Variants in TC2N observed in about 807,000 individuals in gnomAD.
TC2N encodes tandem C2 domains nuclear protein.
Under a neutral mutation model 61.9 loss-of-function variants are expected in TC2N, and 51 were observed. The observed-to-expected ratio is 0.82, with a 90% CI of 0.66 to 1.04. The LOEUF (loss-of-function observed/expected upper bound fraction) is 1.04. TC2N is among the 50% of genes least tolerant of loss of function. The pLI, the probability that TC2N is intolerant of heterozygous loss-of-function variation, is 0.00. For missense variants in TC2N, 556 were observed against 566.7 expected (o/e 0.98, Z 0.19); for synonymous variants, 204 against 192.6 (o/e 1.06, Z -0.49).
rs538243082 is a variant in TC2N at position 91,829,240 on chromosome 14, C to T, written c.-56-15415G>A. Among the ~76,000 whole-genome samples, 16 of 152,090 alleles carry T rather than the reference C, an allele frequency of 1.1e-4. No individual in the cohort carries two copies. In the South Asian group the frequency reaches 3.3e-3, roughly 32 times the overall value. On this transcript the variant is annotated intron_variant, in intron 1 of 11. Transcript: ENST00000435962. ...ACTGAAAAATTCTCATTCATTATCT[C>T]TTTAAATATTGTTTTTGCCCATTTC... is the stretch of plus-strand genomic sequence containing the variant.
At position 91,862,858 on chromosome 14, in the gene TC2N, A is replaced by G. The variant is rs115322753; in HGVS notation, c.-57+4404T>C. On this transcript the variant is annotated intron_variant, in intron 1 of 11. Coordinates refer to ENST00000435962, the MANE Select transcript of TC2N (RefSeq NM_001128596.3). ...TAATCTCATTGAAGGCCCTAACAAG[A>G]TAACACATTCCAAAGTTCCAACAGA... Among the ~76,000 whole-genome samples the G allele has an allele frequency of 1.8e-3, 276 of 152,372 alleles. 3 individuals carry two copies. Among genetic ancestry groups the G allele is most frequent in the African/African-American group, 6.4e-3 (268 of 41,580 alleles).
intron 1 of TC2N, among the ~76,000 whole-genome samples, chr14:91,857,075 G>A (rs745463506): frequency 1.2e-4 from 19 of 152,154 alleles, no homozygotes; most frequent in African/African-American, 2.4e-4. Flanking sequence ...CACTCCCAGC[G>A]TTCCCTGGAG....
intron 1 of TC2N, among the ~76,000 whole-genome samples, chr14:91,863,029 C>G (rs974000038): frequency 2.0e-5 from 3 of 152,194 alleles, no homozygotes; most frequent in Non-Finnish European, 4.4e-5. Context: ...AAAAATGTAG[C>G]TGTTACTGGC....
intron 9 of TC2N, among the ~76,000 whole-genome samples, chr14:91,787,936 G>A (rs748503231): frequency 1.5e-4 from 23 of 151,998 alleles, no homozygotes; most frequent in Non-Finnish European, 2.8e-4. Context: ...AAATGCCAGT[G>A]AAATTAACAC....
intron 5 of TC2N, among the ~76,000 whole-genome samples, chr14:91,799,921 C>G (rs1284461693): frequency 6.6e-6 from 1 of 151,976 alleles, no homozygotes; most frequent in Non-Finnish European, 1.5e-5. Flanking sequence ...GAATAAAGTC[C>G]TACATCTCAA....
chr14:91,823,031 A>T (rs1052812843), intron 1 of TC2N, among the ~76,000 whole-genome samples: 1 of 151,962 alleles, frequency 6.6e-6, no homozygotes, highest in Non-Finnish European at 1.5e-5. Flanking sequence ...CATTATCTTG[A>T]CTGTGGTGAT....
chr14:91,850,243 A>C (rs571217469), intron 1 of TC2N, among the ~76,000 whole-genome samples: 50 of 152,234 alleles, frequency 3.3e-4, no homozygotes, highest in African/African-American at 1.1e-3. Flanking sequence ...CATGATGATA[A>C]TCAAAATAAG....
At chr14:91,865,235 A>G (rs1474727264) in intron 1 of TC2N, among the ~76,000 whole-genome samples, 1 of 152,104 alleles carries the variant, frequency 6.6e-6, no homozygotes, top group African/African-American at 2.4e-5. Flanking sequence ...TATTTCTCTG[A>G]TGGCTGCTGG....
At chr14:91,840,246 A>G (rs1260741001) in intron 1 of TC2N, among the ~76,000 whole-genome samples, 3 of 152,186 alleles carry the variant, frequency 2.0e-5, no homozygotes, top group African/African-American at 7.2e-5. Flanking sequence ...TAAACCACTA[A>G]TATTTGGGGT....
chr14:91,780,735 T>A lies in TC2N; in HGVS notation c.*2365A>T, dbSNP rs972906184. On this transcript the variant is annotated 3_prime_UTR_variant, in exon 12 of 12. Transcript: ENST00000435962. ...TGCCTAGGCAAATATGAAGAGAAGT[T>A]ATTTTGGCATAGAATCTCATTTTTT... 1 of 152,182 alleles carries A rather than the reference T, an allele frequency of 6.6e-6. No individual in the cohort carries two copies. Among genetic ancestry groups the A allele is most frequent in the Non-Finnish European group, 1.5e-5 (1 of 68,024 alleles). The allele number at this position is 152,182 out of a possible 1,614,324, so 9.4% of individuals were successfully genotyped here. A position where few individuals can be genotyped will look rare whatever the true frequency, so the allele number is the denominator to read the frequency against.
intron 4 of TC2N, among the ~76,000 whole-genome samples, chr14:91,801,720 CTTCT>C (rs929898469): frequency 2.6e-5 from 4 of 152,118 alleles, no homozygotes; most frequent in African/African-American, 9.7e-5. Context: ...GAAAACAAAA[CTTCT>C]TTCTTCTTTA....
chr14:91,820,422 G>A (rs1022865353), intron 1 of TC2N, among the ~76,000 whole-genome samples: 5 of 151,656 alleles, frequency 3.3e-5, no homozygotes, highest in South Asian at 2.1e-4. Flanking sequence ...TCCAATATTC[G>A]TGATAAAAAT....
At chr14:91,805,007 C>T (rs1210127723) in intron 3 of TC2N, among the ~76,000 whole-genome samples, 2 of 152,140 alleles carry the variant, frequency 1.3e-5, no homozygotes, top group East Asian at 3.9e-4. Context: ...GGTTAATAAT[C>T]ATGTTGGGAA....
intron 1 of TC2N, among the ~76,000 whole-genome samples, chr14:91,865,147 TC>T (rs1193528389): frequency 3.3e-5 from 5 of 152,136 alleles, no homozygotes; most frequent in African/African-American, 1.2e-4. Context: ...AACATGCAGT[TC>T]CCCTCTGAAA....
At chr14:91,858,012 C>T (rs1888515749) in intron 1 of TC2N, among the ~76,000 whole-genome samples, 1 of 152,128 alleles carries the variant, frequency 6.6e-6, no homozygotes, top group South Asian at 2.1e-4. Flanking sequence ...GTTGCCCAGG[C>T]TGGAATGCAT....
chr14:91,822,432 GC>G (rs1180151747), intron 1 of TC2N, among the ~76,000 whole-genome samples: 1 of 148,496 alleles, frequency 6.7e-6, no homozygotes, highest in Non-Finnish European at 1.5e-5. Context: ...ATATTCTCTT[GC>G]ATTTGCTTTA....
intron 11 of TC2N, 143 bp from the exon 12 acceptor site, chr14:91,783,353 G>A (rs888970288): frequency 1.5e-5 from 8 of 547,074 alleles, no homozygotes; most frequent in African/African-American, 1.4e-4. Context: ...TTTTCCAAAA[G>A]TCAGATTGAT....
intron 1 of TC2N, among the ~76,000 whole-genome samples, chr14:91,820,862 T>C (rs1299816259): frequency 6.6e-6 from 1 of 151,990 alleles, no homozygotes; most frequent in African/African-American, 2.4e-5. Context: ...TAATAACATT[T>C]TTAAAAACTT....
At chr14:91,845,590 A>G (rs968135741) in intron 1 of TC2N, among the ~76,000 whole-genome samples, 6 of 152,224 alleles carry the variant, frequency 3.9e-5, no homozygotes, top group Non-Finnish European at 7.3e-5. Context: ...CTCTCCAATT[A>G]GCTCAAGTAA....
Sources: allele counts gnomAD v4.1 joint callset (sites outside exome capture counted in the v4.1 genomes callset), GRCh38; gene constraint gnomAD v4.1.1; transcripts MANE v1.5; gene names NCBI Gene and HGNC (gene_info 2026-07-23, HGNC 2026-07-21).